Variants in RGS13 observed in about 807,000 individuals in gnomAD.
RGS13 encodes the protein regulator of G-protein signalling 13.
RGS13 carries 14 observed loss-of-function variants against 19.9 expected under a neutral mutation model. That is an observed-to-expected ratio of 0.70 (90% CI 0.46 to 1.10). The LOEUF (loss-of-function observed/expected upper bound fraction) is 1.10. RGS13 is among the 50% of genes least tolerant of loss of function. The pLI is 0.00. For synonymous variants in RGS13, 60 were observed against 56.8 expected (o/e 1.06, Z -0.25); for missense variants, 205 against 187.1 (o/e 1.10, Z -0.56).
chr1:192,654,936 T>C (rs1663408132), intron 5 of RGS13, among the ~76,000 whole-genome samples: 1 of 152,008 alleles, frequency 6.6e-6, no homozygotes, highest in Non-Finnish European at 1.5e-5. Context: ...AATTCTGATG[T>C]TTATCATCTT....
intron 3 of RGS13, among the ~76,000 whole-genome samples, chr1:192,642,866 T>G (rs551012538): frequency 4.6e-5 from 7 of 152,148 alleles, no homozygotes; most frequent in Admixed American, 3.9e-4. Flanking sequence ...TTTGTTTTTG[T>G]TTTTTGTTTT....
chr1:192,644,436 C>A, intron 4 of RGS13, 37 bp downstream of exon 4: 1 of 1,404,934 alleles, frequency 7.1e-7, no homozygotes. Context: ...AATTGTAAAG[C>A]ATATTTATCA....
Position 192,653,515 on chromosome 1 carries a change from A to C in RGS13, c.128-4686A>C, listed in dbSNP as rs193156775. ...GAAAATAGAGGTGAAAAAGTTTATA[A>C]GCCAAAATATTCAATGTAGGATAAC... is the stretch of plus-strand genomic sequence containing the variant. On this transcript the variant is annotated intron_variant, in intron 5 of 6. Coordinates refer to ENST00000391995, the MANE Select transcript of RGS13 (RefSeq NM_002927.5). Among the ~76,000 whole-genome samples, 52 of 152,238 alleles carry C rather than the reference A, an allele frequency of 3.4e-4. No homozygotes were observed. The East Asian group carries it at 9.5e-3, about 28-fold the overall frequency.
At chr1:192,643,405 A>C (rs1027521626) in intron 3 of RGS13, among the ~76,000 whole-genome samples, 17 of 152,190 alleles carry the variant, frequency 1.1e-4, no homozygotes, top group African/African-American at 3.9e-4. Context: ...CAAATTTGTT[A>C]GTTGTTTTTT....
chr1:192,649,255 T>C (rs971286488), intron 5 of RGS13, among the ~76,000 whole-genome samples: 25 of 152,134 alleles, frequency 1.6e-4, no homozygotes, highest in African/African-American at 6.0e-4. Flanking sequence ...AAATATATCT[T>C]CTGGGTCAGT....
intron 5 of RGS13, among the ~76,000 whole-genome samples, chr1:192,652,121 C>T (rs1196834916): frequency 6.6e-6 from 1 of 152,040 alleles, no homozygotes; most frequent in Non-Finnish European, 1.5e-5. Flanking sequence ...GTACTATTTT[C>T]CACCCTTTCT....
intron 3 of RGS13, among the ~76,000 whole-genome samples, chr1:192,642,035 T>C (rs1663131320): frequency 6.6e-6 from 1 of 152,150 alleles, no homozygotes; most frequent in Non-Finnish European, 1.5e-5. Flanking sequence ...CTGATGACAC[T>C]CTGGCCACAC....
At chr1:192,650,594 C>T (rs577721006) in intron 5 of RGS13, among the ~76,000 whole-genome samples, 4 of 151,830 alleles carry the variant, frequency 2.6e-5, no homozygotes, top group East Asian at 1.9e-4. Context: ...ATAGATGAAC[C>T]GAAATTGGTT....
chr1:192,659,239 C>A, intron 6 of RGS13, 99 bp from the exon 7 acceptor site: 1 of 740,462 alleles, frequency 1.4e-6, no homozygotes, highest in Non-Finnish European at 2.1e-6. Flanking sequence ...CCCTATTCCA[C>A]TGAAAAGGAG....
intron 5 of RGS13, among the ~76,000 whole-genome samples, 169 bp from the exon 6 acceptor site, chr1:192,658,032 G>T (rs925328464): frequency 1.3e-5 from 2 of 152,062 alleles, no homozygotes; most frequent in African/African-American, 4.8e-5. Flanking sequence ...TCAGATGTTC[G>T]CTCTAAGTGT....
chr1:192,636,417 T>C (rs950491177), intron 1 of RGS13, 100 bp downstream of exon 1: 22 of 151,850 alleles, frequency 1.4e-4, no homozygotes, highest in African/African-American at 5.1e-4. Context: ...CTTCTGGGAG[T>C]GTTAACAGAG....
intron 3 of RGS13, among the ~76,000 whole-genome samples, chr1:192,641,907 A>T (rs74633148): frequency 6.6e-6 from 1 of 151,984 alleles, no homozygotes; most frequent in Non-Finnish European, 1.5e-5. Context: ...TGGGTCAACA[A>T]GTTCTAATAG....
intron 5 of RGS13, 75 bp from the exon 6 acceptor site, chr1:192,658,126 T>C: frequency 9.4e-7 from 1 of 1,069,408 alleles, no homozygotes; most frequent in Non-Finnish European, 1.4e-6. Context: ...ATCAGGCTTT[T>C]TTTTAACTGT....
chr1:192,655,102 G>A (rs536165952), intron 5 of RGS13, among the ~76,000 whole-genome samples: 1 of 152,050 alleles, frequency 6.6e-6, no homozygotes, highest in Non-Finnish European at 1.5e-5. Flanking sequence ...ATTCTAAAGA[G>A]AGCAATTCAG....
At chr1:192,642,789 C>T (rs1663148568) in intron 3 of RGS13, among the ~76,000 whole-genome samples, 3 of 152,240 alleles carry the variant, frequency 2.0e-5, no homozygotes, top group Admixed American at 2.0e-4. Flanking sequence ...TAGTTAGGTT[C>T]TCCTCCTAGG....
chr1:192,641,245 A>AAAGAAAGAAAGAAAG (rs71111415), intron 3 of RGS13, among the ~76,000 whole-genome samples: 3 of 86,142 alleles, frequency 3.5e-5, no homozygotes, highest in South Asian at 3.9e-4. Context: ...AGAAAGAAAG[A>AAAGAAAGAAAGAAAG]AAAGAAAGAA....
intron 4 of RGS13, chr1:192,645,276 G>A (rs776914516): frequency 1.6e-4 from 25 of 152,262 alleles, no homozygotes; most frequent in Non-Finnish European, 2.8e-4. Context: ...GTCAGAGCTC[G>A]CCTTTCTTCT....
rs1488897044 is a variant in RGS13 at position 192,659,808 on chromosome 1, T to C, written c.*285T>C. ...AAGCATTATAAAGTTTTTACTGTAG[T>C]AGTCAATTAATGGATATTTCCTTGT... On this transcript the variant is annotated 3_prime_UTR_variant, in exon 7 of 7. Coordinates refer to ENST00000391995, the MANE Select transcript of RGS13 (RefSeq NM_002927.5). 2 of 242,296 alleles carry C rather than the reference T, an allele frequency of 8.3e-6. No homozygotes were observed. Among genetic ancestry groups the C allele is most frequent in the East Asian group, 9.1e-5 (1 of 11,018 alleles). The allele number at this position is 242,296 out of a possible 1,614,324, so 15.0% of individuals were successfully genotyped here.
chr1:192,655,834 GAGAT>G (rs768293668), intron 5 of RGS13, among the ~76,000 whole-genome samples: 5 of 152,112 alleles, frequency 3.3e-5, no homozygotes, highest in Non-Finnish European at 4.4e-5. Context: ...TATGTGTGGA[GAGAT>G]AGATAGATGG....
Sources: gnomAD v4.1 joint callset for allele counts (sites outside exome capture counted in the v4.1 genomes callset) on GRCh38, gnomAD v4.1.1 for gene constraint, MANE v1.5 for transcripts, NCBI Gene and HGNC (gene_info 2026-07-23, HGNC 2026-07-21) for gene names.